LUZP2: variants seen among roughly 807,000 people sequenced by gnomAD.
The protein encoded by LUZP2 is leucine zipper protein 2.
In LUZP2, 52 loss-of-function variants were observed where a neutral mutation model predicts 51.6. The ratio of observed to expected loss-of-function variants is 1.01; its 90% CI spans 0.81 to 1.27. The LOEUF (loss-of-function observed/expected upper bound fraction) is 1.27. LUZP2 is among the 50% of genes most tolerant of loss of function. LUZP2 has a pLI of 0.00. For missense variants in LUZP2, 436 were observed against 395.4 expected, an observed-to-expected ratio of 1.10 and a Z score of -0.87; for synonymous variants, 154 against 137.3, an observed-to-expected ratio of 1.12 and a Z score of -0.85.
chr11:24,779,441 T>A (rs1463039301), intron 5 of LUZP2, among the ~76,000 whole-genome samples: 1 of 152,200 alleles, frequency 6.6e-6, no homozygotes, highest in African/African-American at 2.4e-5. Flanking sequence ...TTAAATGCTA[T>A]CATTGAAATA....
At chr11:24,704,675 C>T (rs1857522404) in intron 1 of LUZP2, among the ~76,000 whole-genome samples, 1 of 151,810 alleles carries the variant, frequency 6.6e-6, no homozygotes, top group African/African-American at 2.4e-5. Flanking sequence ...TGTTACAGAA[C>T]CATAAGTTCA....
intron 1 of LUZP2, 70 bp downstream of exon 1, chr11:24,497,375 C>A: frequency 1.6e-6 from 2 of 1,221,730 alleles, no homozygotes; most frequent in Non-Finnish European, 1.1e-6. Flanking sequence ...TACTGTGGGT[C>A]ACCAGTGGGG....
chr11:24,835,742 A>G (rs1266272705), intron 5 of LUZP2, among the ~76,000 whole-genome samples: 1 of 152,088 alleles, frequency 6.6e-6, no homozygotes, highest in African/African-American at 2.4e-5. Context: ...AAATGTTGTA[A>G]TTATTAAGAA....
At chr11:24,897,231 C>T (rs568210716) in intron 5 of LUZP2, among the ~76,000 whole-genome samples, 1 of 152,262 alleles carries the variant, frequency 6.6e-6, no homozygotes, top group South Asian at 2.1e-4. Context: ...ATGGGCCAAT[C>T]AGCTCTCTGT....
In LUZP2 at chr11:25,080,547, A is replaced by G. The variant is rs1859434359; in HGVS notation, c.*1889A>G. ...TCAGATGAAGTGACTAGGATAAAAT[A>G]AAAGATGAAGGTCTGAGGTTTCTTC... On this transcript the variant is annotated 3_prime_UTR_variant, in exon 12 of 12. Coordinates refer to ENST00000336930, the MANE Select transcript of LUZP2 (RefSeq NM_001009909.4). 1 of 152,170 alleles carries G rather than the reference A, an allele frequency of 6.6e-6. No homozygotes were observed. Among genetic ancestry groups the G allele is most frequent in the Non-Finnish European group, 1.5e-5 (1 of 68,028 alleles). The allele number at this position is 152,170 out of a possible 1,614,324, so 9.4% of individuals were successfully genotyped here.
chr11:24,602,383 T>TACACAC (rs550126763), intron 1 of LUZP2, among the ~76,000 whole-genome samples: 791 of 43,172 alleles, frequency 0.018, 11 homozygotes, highest in Middle Eastern at 0.062. Flanking sequence ...TGTATATATA[T>TACACAC]ATATACACAC....
chr11:25,059,006 A>G (rs1858762617), intron 10 of LUZP2, among the ~76,000 whole-genome samples: 1 of 152,176 alleles, frequency 6.6e-6, no homozygotes, highest in Non-Finnish European at 1.5e-5. Flanking sequence ...CTTTTGTAAT[A>G]TTATAAAAAT....
chr11:24,963,377 A>G (rs1326225177), intron 7 of LUZP2, among the ~76,000 whole-genome samples: 1 of 152,192 alleles, frequency 6.6e-6, no homozygotes. Context: ...GGTGGAGCCT[A>G]CAGAGGCAGA....
intron 1 of LUZP2, among the ~76,000 whole-genome samples, chr11:24,622,675 A>T (rs1168977678): frequency 2.0e-5 from 3 of 152,286 alleles, no homozygotes; most frequent in South Asian, 4.1e-4. Context: ...TTGGATAATT[A>T]ATTTTATCCA....
intron 5 of LUZP2, among the ~76,000 whole-genome samples, chr11:24,866,601 G>C (rs78062498): frequency 0.014 from 2,169 of 152,130 alleles, 43 homozygotes; most frequent in African/African-American, 0.049. Context: ...ATATTGCAAT[G>C]TGCAAAGCAC....
chr11:24,863,596 G>A (rs966291795), intron 5 of LUZP2, among the ~76,000 whole-genome samples: 1 of 151,254 alleles, frequency 6.6e-6, no homozygotes, highest in Non-Finnish European at 1.5e-5. Context: ...ATTTTTTGGG[G>A]GGAAGCGGTG....
chr11:25,018,294 A>C (rs894938007), intron 9 of LUZP2, among the ~76,000 whole-genome samples: 3 of 151,952 alleles, frequency 2.0e-5, no homozygotes, highest in African/African-American at 7.2e-5. Flanking sequence ...GATGCCCTCT[A>C]TTTCTTTCTC....
In LUZP2 at chr11:24,497,186, G is replaced by A. The variant is rs1374809801; in HGVS notation, c.-58G>A. 6.8e-7 allele frequency: 1 copy of A among 1,464,068 alleles called. No individual in the cohort carries two copies. The highest frequency in any genetic ancestry group is 1.4e-5 in the African/African-American group (1 of 69,528). The allele number at this position is 1,464,068 out of a possible 1,614,324, so 90.7% of individuals were successfully genotyped here. A position where few individuals can be genotyped will look rare whatever the true frequency, so the allele number is the denominator to read the frequency against. On this transcript the variant is annotated 5_prime_UTR_variant, in exon 1 of 12. Transcript: ENST00000336930. Reference sequence around the variant, plus strand: ...AGAGCCGGGCACCAAGGAGCGACAGGATCCCGAAGAGAGAGAGAGAAGGCA... The same window carrying A: ...AGAGCCGGGCACCAAGGAGCGACAGAATCCCGAAGAGAGAGAGAGAAGGCA...
rs181765959 is a variant in LUZP2, at chr11:24,944,245, G to A, written c.522+29707G>A. Among the ~76,000 whole-genome samples, 415 of 152,184 alleles carry A rather than the reference G, an allele frequency of 2.7e-3. 2 individuals are homozygous for A. The highest frequency in any genetic ancestry group is 9.4e-3 in the African/African-American group (392 of 41,522). On this transcript the variant is annotated intron_variant, in intron 7 of 11. Coordinates refer to ENST00000336930, the MANE Select transcript of LUZP2 (RefSeq NM_001009909.4). ...TGAAGCTCCTCGGTTAACTTAATAT[G>A]CAACAATTTTGGGAACCACCACTTT... is the stretch of plus-strand genomic sequence containing the variant.
rs1451154570 is a variant in LUZP2 at position 24,965,758 on chromosome 11, A to G, written c.523-10833A>G. On this transcript the variant is annotated intron_variant, in intron 7 of 11. Transcript: ENST00000336930. Reference sequence around the variant, plus strand: ...ATGTATGTAGAATATTAAATGGCTCATTTAAAAAATAAATATTAGGAAATA... The same window carrying G: ...ATGTATGTAGAATATTAAATGGCTCGTTTAAAAAATAAATATTAGGAAATA... Among the ~76,000 whole-genome samples the G allele has an allele frequency of 3.0e-4, 45 of 151,892 alleles. 1 individual carries two copies. The highest frequency in any genetic ancestry group is 3.0e-3 in the Admixed American group (45 of 15,254).
chr11:24,998,751 G>A (rs1200788858), intron 9 of LUZP2, among the ~76,000 whole-genome samples: 1 of 151,982 alleles, frequency 6.6e-6, no homozygotes, highest in Non-Finnish European at 1.5e-5. Context: ...TTCAAACCTG[G>A]ACTTTCAGCC....
intron 5 of LUZP2, among the ~76,000 whole-genome samples, chr11:24,879,478 C>A (rs1199373727): frequency 1.3e-5 from 2 of 152,092 alleles, no homozygotes; most frequent in African/African-American, 4.8e-5. Flanking sequence ...GTTCTGGATC[C>A]TTGAGGAATC....
At chr11:24,884,041 T>C (rs1852582850) in intron 5 of LUZP2, among the ~76,000 whole-genome samples, 3 of 152,078 alleles carry the variant, frequency 2.0e-5, no homozygotes, top group Admixed American at 2.0e-4. Flanking sequence ...AAGCCTTAAC[T>C]GGGAAGATTG....
At position 24,601,317 on chromosome 11, in the gene LUZP2, G is replaced by T. The variant is rs117604908; in HGVS notation, c.62+104012G>T. ...GAGGCCCTATACAGAAATGTCAGCT[G>T]TGTGGTACTCAATTTCTGATCTATA... On this transcript the variant is annotated intron_variant, in intron 1 of 11. Transcript: ENST00000336930. Among the ~76,000 whole-genome samples, 41 of 152,120 alleles carry T rather than the reference G, an allele frequency of 2.7e-4. No individual in the cohort carries two copies. In the East Asian group the frequency reaches 6.4e-3, roughly 24 times the overall value.
Sources: gnomAD v4.1 joint callset for allele counts (sites outside exome capture counted in the v4.1 genomes callset) on GRCh38, gnomAD v4.1.1 for gene constraint, MANE v1.5 for transcripts, NCBI Gene and HGNC (gene_info 2026-07-23, HGNC 2026-07-21) for gene names.